Variants in CSMD1 observed in about 807,000 individuals in gnomAD.
CSMD1 encodes CUB and Sushi multiple domains 1.
CSMD1 carries 213 observed loss-of-function variants against 417.5 expected under a neutral mutation model. The ratio of observed to expected loss-of-function variants is 0.51; its 90% CI spans 0.46 to 0.57. The LOEUF is 0.57. CSMD1 is among the 20% of genes least tolerant of loss of function. The pLI, the probability that CSMD1 is intolerant of heterozygous loss-of-function variation, is 0.00. For synonymous variants in CSMD1, 2,862 were observed against 1,736.8 expected, an observed-to-expected ratio of 1.65 and a Z score of -16.11; for missense variants, 6,923 against 4,529.7, an observed-to-expected ratio of 1.53 and a Z score of -15.17.
intron 25 of CSMD1, among the ~76,000 whole-genome samples, chr8:3,304,984 G>A (rs1190208129): frequency 6.6e-6 from 1 of 152,044 alleles, no homozygotes; most frequent in Non-Finnish European, 1.5e-5. Context: ...CATTGGAAGT[G>A]GTTTTTACAT....
chr8:4,796,586 G>A lies in CSMD1; in HGVS notation c.86-159028C>T, dbSNP rs1797995150. On this transcript the variant is annotated intron_variant, in intron 1 of 69. Transcript: ENST00000635120. ...TGTCTCCCACTCACTGTGGGAGGCT[G>A]CAGACCTCGGCTCCAAGACCACTGA... Among the ~76,000 whole-genome samples the A allele has an allele frequency of 1.3e-5, 2 of 151,790 alleles. 1 individual carries two copies. Among genetic ancestry groups the A allele is most frequent in the South Asian group, 4.2e-4 (2 of 4,806 alleles).
intron 5 of CSMD1, among the ~76,000 whole-genome samples, chr8:3,914,778 G>A (rs745449082): frequency 3.4e-4 from 51 of 151,386 alleles, no homozygotes; most frequent in African/African-American, 1.0e-3. Flanking sequence ...CATTTTTACC[G>A]GTTAATTCCT....
chr8:4,220,817 C>T (rs756144526), intron 3 of CSMD1, among the ~76,000 whole-genome samples: 6 of 152,186 alleles, frequency 3.9e-5, no homozygotes, highest in Non-Finnish European at 8.8e-5. Flanking sequence ...TCAGGTAAGA[C>T]ACCATGGGGC....
intron 3 of CSMD1, among the ~76,000 whole-genome samples, chr8:4,301,642 C>T (rs1585189905): frequency 1.3e-5 from 2 of 152,210 alleles, no homozygotes; most frequent in African/African-American, 2.4e-5. Flanking sequence ...TGGCTGTTTT[C>T]TGCTGTTAAC....
intron 7 of CSMD1, among the ~76,000 whole-genome samples, chr8:3,619,297 G>A (rs536872094): frequency 3.3e-5 from 5 of 150,960 alleles, no homozygotes; most frequent in Non-Finnish European, 5.9e-5. Flanking sequence ...TGATCTCAAC[G>A]TTCAGAGGCC....
chr8:3,866,511 A>G (rs1002538413), intron 5 of CSMD1, among the ~76,000 whole-genome samples: 5 of 152,180 alleles, frequency 3.3e-5, no homozygotes, highest in African/African-American at 9.7e-5. Context: ...GACGTGGTAA[A>G]GCATCATGAT....
intron 36 of CSMD1, among the ~76,000 whole-genome samples, chr8:3,185,983 T>G (rs1056794844): frequency 6.6e-6 from 1 of 152,130 alleles, no homozygotes; most frequent in African/African-American, 2.4e-5. Context: ...TTTACTAATC[T>G]GTTAAGATAT....
chr8:3,675,991 G>C (rs773136388), intron 7 of CSMD1, among the ~76,000 whole-genome samples: 16 of 152,178 alleles, frequency 1.1e-4, no homozygotes, highest in Non-Finnish European at 1.9e-4. Context: ...CAGAGACTCT[G>C]TAATAGTTTA....
chr8:3,470,518 G>C (rs1007264440), intron 11 of CSMD1, among the ~76,000 whole-genome samples: 4 of 152,098 alleles, frequency 2.6e-5, no homozygotes, highest in Non-Finnish European at 5.9e-5. Context: ...AACTTTCCCT[G>C]TTTTATTCGT....
At chr8:3,763,647 C>G (rs943730286) in intron 5 of CSMD1, among the ~76,000 whole-genome samples, 1 of 152,076 alleles carries the variant, frequency 6.6e-6, no homozygotes, top group South Asian at 2.1e-4. Context: ...CTCAAGTATT[C>G]CTATATAGCA....
At chr8:3,805,253 C>G (rs1800666472) in intron 5 of CSMD1, among the ~76,000 whole-genome samples, 1 of 152,110 alleles carries the variant, frequency 6.6e-6, no homozygotes, top group African/African-American at 2.4e-5. Flanking sequence ...AACCAACCAC[C>G]ATTTCTCCTA....
chr8:3,323,227 C>G (rs1266210506), intron 23 of CSMD1, among the ~76,000 whole-genome samples: 2 of 152,156 alleles, frequency 1.3e-5, no homozygotes, highest in South Asian at 2.1e-4. Flanking sequence ...AGATTAAAAA[C>G]CTAACACAAA....
chr8:4,733,383 C>T (rs1482875761), intron 1 of CSMD1, among the ~76,000 whole-genome samples: 1 of 152,156 alleles, frequency 6.6e-6, no homozygotes, highest in African/African-American at 2.4e-5. Context: ...GTTATAGTGA[C>T]TCATGCCCAG....
chr8:4,900,889 G>A (rs889352458), intron 1 of CSMD1, among the ~76,000 whole-genome samples: 3 of 152,202 alleles, frequency 2.0e-5, no homozygotes, highest in African/African-American at 7.2e-5. Flanking sequence ...GTCACCGTAA[G>A]GGCAGGTGCA....
chr8:3,759,529 G>C (rs367723043), intron 5 of CSMD1, among the ~76,000 whole-genome samples: 53 of 152,168 alleles, frequency 3.5e-4, no homozygotes, highest in African/African-American at 1.3e-3. Flanking sequence ...TTTGGAAAAT[G>C]AAAGAGATTA....
intron 60 of CSMD1, among the ~76,000 whole-genome samples, chr8:2,962,992 G>A (rs1163483497): frequency 1.3e-5 from 2 of 152,172 alleles, no homozygotes; most frequent in Non-Finnish European, 2.9e-5. Context: ...AGGCTGCAGG[G>A]AGCTATGATT....
chr8:4,687,553 T>C (rs868267022), intron 1 of CSMD1, among the ~76,000 whole-genome samples: 6 of 152,174 alleles, frequency 3.9e-5, no homozygotes, highest in African/African-American at 1.4e-4. Context: ...AATAAGAAAT[T>C]GCAGAAATTT....
chr8:4,114,059 C>A (rs190579789), intron 3 of CSMD1, among the ~76,000 whole-genome samples: 1 of 152,178 alleles, frequency 6.6e-6, no homozygotes, highest in Non-Finnish European at 1.5e-5. Flanking sequence ...CAATAAACAA[C>A]AGATTTTCCA....
chr8:4,389,753 A>T (rs1485273142), intron 3 of CSMD1, among the ~76,000 whole-genome samples: 1 of 152,148 alleles, frequency 6.6e-6, no homozygotes, highest in East Asian at 1.9e-4. Flanking sequence ...ACACAAATAT[A>T]TTGTTTGCTT....
Sources: gnomAD v4.1 joint callset for allele counts (sites outside exome capture counted in the v4.1 genomes callset) on GRCh38, gnomAD v4.1.1 for gene constraint, MANE v1.5 for transcripts, NCBI Gene and HGNC (gene_info 2026-07-23, HGNC 2026-07-21) for gene names.